Variants in SMIM10L3 observed in about 807,000 individuals in gnomAD.
The protein encoded by SMIM10L3 is salivary gland specific protein SAGSIN1.
At chr7:6,345,859 C>G in the SMIM10L3 span, among the ~76,000 whole-genome samples, 1 of 152,032 alleles carries the variant, frequency 6.6e-6, no homozygotes, top group Non-Finnish European at 1.5e-5. Context: ...ACCTCCATCT[C>G]CTGGGTTCAA....
At chr7:6,331,887 C>G in the SMIM10L3 span, among the ~76,000 whole-genome samples, 1 of 150,372 alleles carries the variant, frequency 6.7e-6, no homozygotes, top group African/African-American at 2.4e-5. Flanking sequence ...ATTACAGGTG[C>G]CTGCCACCAT....
the SMIM10L3 span, among the ~76,000 whole-genome samples, chr7:6,337,073 C>CTTTTTTTTTTTT: frequency 4.2e-3 from 610 of 144,808 alleles, 3 homozygotes; most frequent in South Asian, 0.01. Context: ...TATTTTAATT[C>CTTTTTTTTTTTT]TTTTTTTTTT....
At chr7:6,336,630 G>A in the SMIM10L3 span, among the ~76,000 whole-genome samples, 5 of 151,158 alleles carry the variant, frequency 3.3e-5, no homozygotes, top group Non-Finnish European at 7.4e-5. Flanking sequence ...GCTGCCGTGA[G>A]CCAAGATGGC....
the SMIM10L3 span, among the ~76,000 whole-genome samples, chr7:6,343,411 T>C: frequency 4.0e-5 from 2 of 50,504 alleles, no homozygotes; most frequent in African/African-American, 1.3e-4. Flanking sequence ...TATATATATA[T>C]ATATATATAT....
chr7:6,331,023 G>A, the SMIM10L3 span: 1 of 1,614,110 alleles, frequency 6.2e-7, no homozygotes, highest in South Asian at 1.1e-5. Flanking sequence ...TCATCCAGGA[G>A]GGTGCATCTG....
chr7:6,330,594 G>A, the SMIM10L3 span: 2 of 1,614,158 alleles, frequency 1.2e-6, no homozygotes, highest in Non-Finnish European at 1.7e-6. Context: ...TGGAGTGCAG[G>A]CAAGCGGGTT....
At chr7:6,339,421 A>G in the SMIM10L3 span, among the ~76,000 whole-genome samples, 2 of 152,070 alleles carry the variant, frequency 1.3e-5, no homozygotes, top group Non-Finnish European at 2.9e-5. Flanking sequence ...TAGGCAACAT[A>G]GCAAGACCCC....
chr7:6,341,068 C>T, the SMIM10L3 span, among the ~76,000 whole-genome samples: 1 of 146,722 alleles, frequency 6.8e-6, no homozygotes, highest in African/African-American at 2.5e-5. Flanking sequence ...GGCATGAACC[C>T]AGGAGGTGCA....
chr7:6,343,309 G>A, the SMIM10L3 span, among the ~76,000 whole-genome samples: 5 of 149,490 alleles, frequency 3.3e-5, no homozygotes, highest in Non-Finnish European at 5.9e-5. Flanking sequence ...CCTGGGAAGC[G>A]GAGGTTGCAG....
the SMIM10L3 span, among the ~76,000 whole-genome samples, chr7:6,331,804 G>T: frequency 6.9e-6 from 1 of 145,858 alleles, no homozygotes; most frequent in Non-Finnish European, 1.5e-5. Context: ...GCAATGGCAC[G>T]ATCTCGGCTC....
the SMIM10L3 span, chr7:6,348,798 T>C: frequency 5.5e-4 from 217 of 395,918 alleles, no homozygotes; most frequent in South Asian, 7.7e-4. Context: ...GCCCGCCCTC[T>C]CCGCGCCGCG....
the SMIM10L3 span, chr7:6,331,212 C>A: frequency 1.9e-5 from 29 of 1,509,848 alleles, no homozygotes; most frequent in African/African-American, 2.6e-4. Flanking sequence ...TCTGGGAGGG[C>A]CTTCAATGGA....
the SMIM10L3 span, chr7:6,348,520 G>A: frequency 4.8e-5 from 20 of 412,640 alleles, no homozygotes; most frequent in African/African-American, 1.4e-4. Context: ...CATCCCGCGG[G>A]CGAGGCGGGC....
At chr7:6,342,224 TTC>T in the SMIM10L3 span, among the ~76,000 whole-genome samples, 9 of 151,890 alleles carry the variant, frequency 5.9e-5, no homozygotes, top group African/African-American at 1.7e-4. Context: ...TACTTTCTCT[TTC>T]TCTCTCTCTC....
chr7:6,341,349 A>G, the SMIM10L3 span, among the ~76,000 whole-genome samples: 4 of 150,634 alleles, frequency 2.7e-5, no homozygotes, highest in South Asian at 4.2e-4. Flanking sequence ...AGGCTGAGGC[A>G]GGAGAATGGT....
At chr7:6,343,397 CATATATATATATATATATATATAT>C in the SMIM10L3 span, among the ~76,000 whole-genome samples, 115 of 86,988 alleles carry the variant, frequency 1.3e-3, 2 homozygotes, top group Middle Eastern at 7.6e-3. Flanking sequence ...ATAATAATTT[CATATATATATATATATATATATAT>C]ATATATATAT....
At chr7:6,348,554 G>T in the SMIM10L3 span, 1 of 432,374 alleles carries the variant, frequency 2.3e-6, no homozygotes, top group Non-Finnish European at 4.1e-6. Flanking sequence ...CGGGGGCCGG[G>T]CAGGCACGGC....
At chr7:6,331,079 G>A in the SMIM10L3 span, 1 of 1,613,600 alleles carries the variant, frequency 6.2e-7, no homozygotes, top group Non-Finnish European at 8.5e-7. Flanking sequence ...CTGCATGATA[G>A]TTTGTCCGAG....
the SMIM10L3 span, among the ~76,000 whole-genome samples, chr7:6,347,340 A>AC: frequency 6.6e-6 from 1 of 151,438 alleles, no homozygotes; most frequent in Non-Finnish European, 1.5e-5. Context: ...CATGGTGAAA[A>AC]CCCAACTCTA....
Sources: allele counts gnomAD v4.1 joint callset (sites outside exome capture counted in the v4.1 genomes callset), GRCh38; gene constraint gnomAD v4.1.1; transcripts MANE v1.5; gene names NCBI Gene and HGNC (gene_info 2026-07-23, HGNC 2026-07-21).